TSPAN15: variants seen among roughly 807,000 people sequenced by gnomAD.
TSPAN15 encodes the protein tetraspanin 15, also known as tetraspanin-15.
In TSPAN15, 20 loss-of-function variants were observed where a neutral mutation model predicts 34.5. That is an observed-to-expected ratio of 0.58 (90% CI 0.41 to 0.84). The LOEUF is 0.84. Among genes scored for constraint, TSPAN15 ranks in the 40% least tolerant of loss-of-function variants. The pLI, the probability that TSPAN15 is intolerant of heterozygous loss-of-function variation, is 0.00. For synonymous variants in TSPAN15, 155 were observed against 153.9 expected (o/e 1.01, Z -0.05); for missense variants, 313 against 386.1 (o/e 0.81, Z 1.59).
chr10:69,469,400 T>C (rs1425389704), intron 1 of TSPAN15, among the ~76,000 whole-genome samples: 4 of 152,206 alleles, frequency 2.6e-5, no homozygotes, highest in Non-Finnish European at 2.9e-5. Context: ...CCCTGACTTA[T>C]AGCCAGACTT....
Position 69,494,651 on chromosome 10 carries a change from T to TA in TSPAN15, c.358-941dup, listed in dbSNP as rs539687680. 611 of 985,364 alleles carry TA rather than the reference T, an allele frequency of 6.2e-4. 3 individuals carry two copies. The African/African-American group carries it at 9.4e-3, about 15-fold the overall frequency. 61.0% of individuals were successfully genotyped at this position (985,364 alleles called of 1,614,324 possible). On this transcript the variant is annotated intron_variant, in intron 3 of 7. Coordinates refer to ENST00000373290, the MANE Select transcript of TSPAN15 (RefSeq NM_012339.5). Reference sequence around the variant, plus strand: ...GAAGCTGAGGCCCAGAGAGGAGAAGTAAGCCGCGATGGGGCCTGGAACCAG... The same window carrying TA: ...GAAGCTGAGGCCCAGAGAGGAGAAGTAAAGCCGCGATGGGGCCTGGAACCAG...
the TSPAN15 span, among the ~76,000 whole-genome samples, chr10:69,530,814 C>CTG: frequency 1.6e-5 from 1 of 61,368 alleles, no homozygotes; most frequent in Non-Finnish European, 3.2e-5. Context: ...CTCTCTCTCT[C>CTG]TCTCTCTATA....
At chr10:69,453,108 A>G (rs1425813763) in intron 1 of TSPAN15, among the ~76,000 whole-genome samples, 1 of 151,794 alleles carries the variant, frequency 6.6e-6, no homozygotes, top group Non-Finnish European at 1.5e-5. Context: ...CAATTCTCTG[A>G]CTCTAGGTAA....
the TSPAN15 span, among the ~76,000 whole-genome samples, chr10:69,513,566 G>T: frequency 2.3e-4 from 35 of 152,256 alleles, no homozygotes; most frequent in African/African-American, 8.4e-4. Context: ...TTTTTAACTT[G>T]ATGAACTCCA....
chr10:69,523,265 C>T, the TSPAN15 span: 3 of 336,922 alleles, frequency 8.9e-6, no homozygotes, highest in African/African-American at 6.6e-5. Context: ...CTCCAACTCT[C>T]AAAAAATTGC....
At chr10:69,508,839 C>G (rs1842385809), downstream of TSPAN15, among the ~76,000 whole-genome samples, 1 of 152,206 alleles carries the variant, frequency 6.6e-6, no homozygotes, top group Admixed American at 6.5e-5. Flanking sequence ...CCACTCAGCC[C>G]CTCTGCTTTA....
chr10:69,534,819 A>T, the TSPAN15 span, among the ~76,000 whole-genome samples: 4 of 52,366 alleles, frequency 7.6e-5, no homozygotes, highest in Admixed American at 3.7e-4. Flanking sequence ...CCTGTATCTT[A>T]AAAAAAAAAA....
chr10:69,479,298 C>T (rs1841681485), intron 1 of TSPAN15, among the ~76,000 whole-genome samples: 1 of 152,262 alleles, frequency 6.6e-6, no homozygotes, highest in South Asian at 2.1e-4. Flanking sequence ...ACAGAGTCTC[C>T]TGCTTCCCAG....
the TSPAN15 span, among the ~76,000 whole-genome samples, chr10:69,527,510 A>G: frequency 1.4e-5 from 2 of 146,602 alleles, no homozygotes; most frequent in African/African-American, 5.0e-5. Context: ...CAGGAGAATC[A>G]CTTGAACCCA....
intron 2 of TSPAN15, 60 bp downstream of exon 2, chr10:69,483,936 C>T: frequency 1.9e-6 from 3 of 1,559,170 alleles, no homozygotes; most frequent in Non-Finnish European, 2.6e-6. Flanking sequence ...GCGCCTGCCC[C>T]TGTGCCCTTG....
At chr10:69,470,650 G>T (rs1317938268) in intron 1 of TSPAN15, among the ~76,000 whole-genome samples, 2 of 152,144 alleles carry the variant, frequency 1.3e-5, no homozygotes, top group African/African-American at 4.8e-5. Context: ...TACTTGGGAG[G>T]CTAAGGCAGG....
chr10:69,491,994 G>A (rs1206675443), intron 3 of TSPAN15, among the ~76,000 whole-genome samples: 2 of 152,220 alleles, frequency 1.3e-5, no homozygotes, highest in Non-Finnish European at 2.9e-5. Context: ...AGATTTAAAA[G>A]GCAAAGCTAG....
intron 1 of TSPAN15, among the ~76,000 whole-genome samples, chr10:69,452,301 C>G (rs1840990505): frequency 6.6e-6 from 1 of 152,216 alleles, no homozygotes; most frequent in African/African-American, 2.4e-5. Flanking sequence ...TGTTAGGGGG[C>G]AGGATGGTAG....
intron 5 of TSPAN15, among the ~76,000 whole-genome samples, chr10:69,499,522 G>A (rs1842158062): frequency 6.6e-6 from 1 of 152,174 alleles, no homozygotes; most frequent in Non-Finnish European, 1.5e-5. Context: ...AGATGTGGAA[G>A]CCAAACTTGT....
the TSPAN15 span, among the ~76,000 whole-genome samples, chr10:69,533,802 CT>C: frequency 6.6e-6 from 1 of 152,214 alleles, no homozygotes; most frequent in Admixed American, 6.5e-5. Context: ...GGGGAGCAGT[CT>C]TTGCGTACTG....
At chr10:69,539,532 GA>G in the TSPAN15 span, among the ~76,000 whole-genome samples, 74 of 95,184 alleles carry the variant, frequency 7.8e-4, no homozygotes, top group Middle Eastern at 5.6e-3. Context: ...AGAAGAAGAA[GA>G]AGAAGGAGAA....
At chr10:69,508,440 C>CAA (rs71009229), downstream of TSPAN15, among the ~76,000 whole-genome samples, 337 of 62,052 alleles carry the variant, frequency 5.4e-3, no homozygotes, top group Non-Finnish European at 6.9e-3. Flanking sequence ...GACTCCATCT[C>CAA]AAAAAAAAAA....
chr10:69,545,393 C>T, the TSPAN15 span, among the ~76,000 whole-genome samples: 3 of 152,136 alleles, frequency 2.0e-5, no homozygotes, highest in East Asian at 1.9e-4. Context: ...TACGGAAATG[C>T]GGGTTTCATC....
At chr10:69,545,790 A>C in the TSPAN15 span, among the ~76,000 whole-genome samples, 1 of 152,024 alleles carries the variant, frequency 6.6e-6, no homozygotes, top group Non-Finnish European at 1.5e-5. Context: ...CCTCGTCTCT[A>C]CTAAGAATAC....
Sources: gnomAD v4.1 joint callset for allele counts (sites outside exome capture counted in the v4.1 genomes callset) on GRCh38, gnomAD v4.1.1 for gene constraint, MANE v1.5 for transcripts, NCBI Gene and HGNC (gene_info 2026-07-23, HGNC 2026-07-21) for gene names.